The following TSPAN9 variants were observed in gnomAD, a reference collection of about 807,000 sequenced individuals.
The protein encoded by TSPAN9 is tetraspanin 9.
Under a neutral mutation model 31.0 loss-of-function variants are expected in TSPAN9, and 16 were observed. The observed-to-expected ratio is 0.52, with a 90% CI of 0.35 to 0.78. TSPAN9 has a LOEUF of 0.78. Ranked by LOEUF, TSPAN9 falls within the 30% of genes least tolerant of loss-of-function variation. The pLI is 0.01. For synonymous variants in TSPAN9, 145 were observed against 121.6 expected, an observed-to-expected ratio of 1.19 and a Z score of -1.27; for missense variants, 272 against 312.5, an observed-to-expected ratio of 0.87 and a Z score of 0.98.
chr12:3,264,336 G>A (rs57551718), intron 3 of TSPAN9, among the ~76,000 whole-genome samples: 1,929 of 152,300 alleles, frequency 0.013, 52 homozygotes, highest in African/African-American at 0.045. Context: ...CCGCCAGCCC[G>A]CCTCAACCCA....
At chr12:3,238,573 G>A (rs2098394999) in intron 3 of TSPAN9, among the ~76,000 whole-genome samples, 1 of 152,202 alleles carries the variant, frequency 6.6e-6, no homozygotes, top group African/African-American at 2.4e-5. Context: ...ATGCCTCACG[G>A]GAACGGCCCT....
chr12:3,252,292 TC>T (rs1193020291), intron 3 of TSPAN9, among the ~76,000 whole-genome samples: 1 of 152,130 alleles, frequency 6.6e-6, no homozygotes, highest in Non-Finnish European at 1.5e-5. Context: ...TGGCCAGGCT[TC>T]GTGGAGCAGG....
chr12:3,087,327 G>A (rs775294360), intron 2 of TSPAN9, among the ~76,000 whole-genome samples: 54 of 152,094 alleles, frequency 3.6e-4, no homozygotes, highest in Non-Finnish European at 7.5e-4. Flanking sequence ...ACAACATAGT[G>A]AGACCTCGTC....
intron 6 of TSPAN9, 67 bp from the exon 7 acceptor site, chr12:3,281,131 G>C: frequency 6.5e-7 from 1 of 1,543,100 alleles, no homozygotes; most frequent in Non-Finnish European, 8.7e-7. Context: ...CTGGGCAGGG[G>C]AAGGCCCTGG....
intron 3 of TSPAN9, among the ~76,000 whole-genome samples, chr12:3,271,448 G>A (rs1862676338): frequency 6.6e-6 from 1 of 152,074 alleles, no homozygotes; most frequent in African/African-American, 2.4e-5. Flanking sequence ...TTCTTAGTGG[G>A]CTTCTTGGGC....
At chr12:3,251,372 G>A (rs1862241097) in intron 3 of TSPAN9, among the ~76,000 whole-genome samples, 1 of 150,616 alleles carries the variant, frequency 6.6e-6, no homozygotes, top group Non-Finnish European at 1.5e-5. Context: ...TGGGGAGGAG[G>A]AGGGGTAGGG....
At chr12:3,211,950 A>G in intron 3 of TSPAN9, 5 of 1,162,372 alleles carry the variant, frequency 4.3e-6, no homozygotes, top group Non-Finnish European at 3.8e-6. Flanking sequence ...ACCACCGGAA[A>G]GCAAAATTGC....
At chr12:3,223,717 T>G (rs959384136) in intron 3 of TSPAN9, among the ~76,000 whole-genome samples, 3 of 152,182 alleles carry the variant, frequency 2.0e-5, no homozygotes. Context: ...CTGGTTCAAG[T>G]ATTGAGCGAG....
At chr12:3,138,877 G>T (rs559474429) in intron 2 of TSPAN9, among the ~76,000 whole-genome samples, 1 of 152,284 alleles carries the variant, frequency 6.6e-6, no homozygotes, top group African/African-American at 2.4e-5. Context: ...TCCAAGCCCT[G>T]TGGGCAGGGT....
In TSPAN9 at chr12:3,160,834, A is replaced by C. The variant is rs570911519; in HGVS notation, c.-17-40343A>C. ...TAAGAATTCTTTACATATTCTGGTT[A>C]TAAGCCCCTTAATCAATATATGATT... On this transcript the variant is annotated intron_variant, in intron 2 of 8. Coordinates refer to ENST00000011898, the MANE Select transcript of TSPAN9 (RefSeq NM_006675.5). Among the ~76,000 whole-genome samples the C allele has an allele frequency of 7.9e-5, 12 of 152,342 alleles. No homozygotes were observed. The East Asian group carries it at 2.3e-3, about 29-fold the overall frequency.
At chr12:3,087,595 C>T (rs568475113) in intron 2 of TSPAN9, among the ~76,000 whole-genome samples, 6 of 152,136 alleles carry the variant, frequency 3.9e-5, no homozygotes, top group East Asian at 1.9e-4. Context: ...ATCATGAGGT[C>T]GAGAGTTCGA....
chr12:3,262,849 A>G (rs557832284), intron 3 of TSPAN9, among the ~76,000 whole-genome samples: 48 of 152,076 alleles, frequency 3.2e-4, no homozygotes, highest in Non-Finnish European at 6.6e-4. Context: ...CCTCCCTTGT[A>G]TTTAAATGGC....
At position 3,280,527 on chromosome 12, in the gene TSPAN9, G is replaced by A; in HGVS notation, c.432+44G>A. The A allele has an allele frequency of 6.4e-7, 1 of 1,561,306 alleles. No individual in the cohort carries two copies. Among genetic ancestry groups the A allele is most frequent in the Non-Finnish European group, 8.7e-7 (1 of 1,146,092 alleles). On this transcript the variant is annotated intron_variant, in intron 6 of 8. Coordinates refer to ENST00000011898, the MANE Select transcript of TSPAN9 (RefSeq NM_006675.5). The surrounding 1 kb of genome is among the most constrained non-coding windows in gnomAD (Gnocchi z 4.5). ...TGGTGGGGCCAGGCAGGGAGGAGGGGTGGCGGCCGGTACTTCTAGCTGCCT... is the reference window on the plus strand; with the variant it reads ...TGGTGGGGCCAGGCAGGGAGGAGGGATGGCGGCCGGTACTTCTAGCTGCCT...
chr12:3,239,721 TC>T (rs1276021388), intron 3 of TSPAN9, among the ~76,000 whole-genome samples: 3 of 152,198 alleles, frequency 2.0e-5, no homozygotes, highest in Non-Finnish European at 4.4e-5. Flanking sequence ...GAGTGCTGGT[TC>T]CTGGTCTGCC....
intron 2 of TSPAN9, among the ~76,000 whole-genome samples, chr12:3,088,904 T>C (rs1004831944): frequency 1.3e-5 from 2 of 151,580 alleles, no homozygotes; most frequent in Admixed American, 6.6e-5. Flanking sequence ...TGGGAGCCAG[T>C]GTTGGTCTTT....
At chr12:3,260,485 AAC>A (rs1198966102) in intron 3 of TSPAN9, among the ~76,000 whole-genome samples, 5 of 152,238 alleles carry the variant, frequency 3.3e-5, no homozygotes, top group African/African-American at 1.2e-4. Flanking sequence ...GGCTACACAG[AAC>A]AGGGCGAACC....
At chr12:3,221,358 C>T (rs10848830) in intron 3 of TSPAN9, among the ~76,000 whole-genome samples, 56,593 of 114,626 alleles carry the variant, frequency 0.49, 12,526 homozygotes, top group East Asian at 0.6. Flanking sequence ...AAATATTTTT[C>T]TCTTTTTTTT....
chr12:3,203,977 A>C (rs568481416), intron 3 of TSPAN9, among the ~76,000 whole-genome samples: 1 of 152,246 alleles, frequency 6.6e-6, no homozygotes, highest in African/African-American at 2.4e-5. Context: ...CATCAAAGGC[A>C]GGTGGGGTGT....
At chr12:3,213,438 T>TG (rs11422624) in intron 3 of TSPAN9, among the ~76,000 whole-genome samples, 86,144 of 151,990 alleles carry the variant, frequency 0.57, 24,561 homozygotes, top group East Asian at 0.7. Flanking sequence ...AGGAGCTCTT[T>TG]ATGTCTGAGC....
Sources: allele counts gnomAD v4.1 joint callset (sites outside exome capture counted in the v4.1 genomes callset), GRCh38; gene constraint gnomAD v4.1.1; non-coding constraint Gnocchi (gnomAD v3.1); transcripts MANE v1.5; gene names NCBI Gene and HGNC (gene_info 2026-07-23, HGNC 2026-07-21).